The following IL1RAPL1 variants were observed in gnomAD, a reference collection of about 807,000 sequenced individuals.
The protein encoded by IL1RAPL1 is interleukin-1 receptor accessory protein-like 1.
Under a neutral mutation model 48.4 loss-of-function variants are expected in IL1RAPL1, and 3 were observed. That is an observed-to-expected ratio of 0.06 (90% CI 0.03 to 0.16). The LOEUF is 0.16. IL1RAPL1 is among the 10% of genes least tolerant of loss of function. IL1RAPL1 has a pLI of 1.00. For synonymous variants in IL1RAPL1, 185 were observed against 187.7 expected, an observed-to-expected ratio of 0.99 and a Z score of 0.12; for missense variants, 349 against 530.6, an observed-to-expected ratio of 0.66 and a Z score of 3.36.
At chrX:29,202,606 C>T (rs1017384219) in intron 2 of IL1RAPL1, among the ~76,000 whole-genome samples, 4 of 111,807 alleles carry the variant, frequency 3.6e-5, no homozygotes, top group African/African-American at 6.5e-5. Context: ...ATGGAATCAA[C>T]CTACATGCCC....
At chrX:29,481,670 T>C in intron 5 of IL1RAPL1, among the ~76,000 whole-genome samples, 1 of 111,879 alleles carries the variant, frequency 8.9e-6, no homozygotes. Context: ...GCAGAGCTGT[T>C]AAATGGCCTG....
chrX:29,869,439 T>A (rs1472660302), intron 6 of IL1RAPL1, among the ~76,000 whole-genome samples: 1 of 111,375 alleles, frequency 9.0e-6, no homozygotes, highest in African/African-American at 3.3e-5. Flanking sequence ...AAAATAGTGG[T>A]CACCAGAAGC....
intron 5 of IL1RAPL1, among the ~76,000 whole-genome samples, chrX:29,471,596 A>T (rs5971507): frequency 0.013 from 1,499 of 111,528 alleles, 12 homozygotes; most frequent in Non-Finnish European, 0.02. Context: ...GGGAACAAAA[A>T]GGAAGGCAGC....
At chrX:28,724,448 G>A (rs1409476802) in intron 1 of IL1RAPL1, among the ~76,000 whole-genome samples, 5 of 110,488 alleles carry the variant, frequency 4.5e-5, no homozygotes, top group African/African-American at 1.7e-4. Context: ...CATTTTCTTG[G>A]TAGATCTTCC....
In IL1RAPL1 at chrX:29,307,301, G is replaced by A. The variant is rs187059704; in HGVS notation, c.362+24084G>A. ...AAACCCCTTGTCAAGTACTGATCAAGCAGCTTATTTCACTGCATATTTTTT... is the reference window on the plus strand; with the variant it reads ...AAACCCCTTGTCAAGTACTGATCAAACAGCTTATTTCACTGCATATTTTTT... On this transcript the variant is annotated intron_variant, in intron 3 of 10. Transcript: ENST00000378993. Among the ~76,000 whole-genome samples, 720 of 112,207 alleles carry A rather than the reference G, an allele frequency of 6.4e-3. 3 individuals carry two copies. The highest frequency in any genetic ancestry group is 9.2e-3 in the Non-Finnish European group (492 of 53,247).
chrX:29,651,626 T>C (rs993925451), intron 5 of IL1RAPL1, among the ~76,000 whole-genome samples: 1 of 110,686 alleles, frequency 9.0e-6, no homozygotes, highest in African/African-American at 3.3e-5. Context: ...GTGGCTGGGA[T>C]GGGAGTGTTG....
chrX:29,214,059 A>T (rs1930820163), intron 2 of IL1RAPL1, among the ~76,000 whole-genome samples: 2 of 111,481 alleles, frequency 1.8e-5, no homozygotes, highest in African/African-American at 6.5e-5. Context: ...AAGCCCAGTG[A>T]TGTCAAGAAA....
intron 1 of IL1RAPL1, among the ~76,000 whole-genome samples, chrX:28,758,190 G>A (rs1936126138): frequency 8.9e-6 from 1 of 112,165 alleles, no homozygotes; most frequent in Non-Finnish European, 1.9e-5. Flanking sequence ...TAATGTAGAT[G>A]ATTGGCTTTG....
At chrX:28,882,367 G>A (rs925975856) in intron 2 of IL1RAPL1, among the ~76,000 whole-genome samples, 4 of 111,608 alleles carry the variant, frequency 3.6e-5, no homozygotes, top group Admixed American at 1.9e-4. Flanking sequence ...AAGAGAGGCC[G>A]GGCATGGTGG....
At chrX:28,819,997 T>G (rs1464062001) in intron 2 of IL1RAPL1, among the ~76,000 whole-genome samples, 1 of 84,503 alleles carries the variant, frequency 1.2e-5, no homozygotes, top group African/African-American at 4.3e-5. Context: ...TATATATATA[T>G]ATATATATAT....
chrX:29,152,694 C>T (rs778380023), intron 2 of IL1RAPL1, among the ~76,000 whole-genome samples: 252 of 111,885 alleles, frequency 2.3e-3, no homozygotes, highest in African/African-American at 7.2e-3. Flanking sequence ...GTGAACTCTT[C>T]GTTGTTCAAA....
intron 1 of IL1RAPL1, among the ~76,000 whole-genome samples, chrX:28,613,536 A>G (rs1180073212): frequency 8.9e-6 from 1 of 112,439 alleles, no homozygotes; most frequent in Non-Finnish European, 1.9e-5. Context: ...AGTCCTTGGG[A>G]CTCATGTTGA....
At chrX:29,113,979 AT>A (rs1206698087) in intron 2 of IL1RAPL1, among the ~76,000 whole-genome samples, 1 of 111,463 alleles carries the variant, frequency 9.0e-6, no homozygotes. Context: ...TTTTTTTGTA[AT>A]GCATTATATC....
At chrX:28,812,130 C>A (rs1232017928) in intron 2 of IL1RAPL1, among the ~76,000 whole-genome samples, 1 of 110,766 alleles carries the variant, frequency 9.0e-6, no homozygotes, top group African/African-American at 3.3e-5. Context: ...CAGAGATCAG[C>A]AACAGTATAA....
intron 3 of IL1RAPL1, among the ~76,000 whole-genome samples, chrX:29,297,298 G>T (rs1258123523): frequency 8.9e-6 from 1 of 112,524 alleles, no homozygotes; most frequent in Non-Finnish European, 1.9e-5. Flanking sequence ...ACGTAAAGTA[G>T]TTATAAGGTA....
intron 5 of IL1RAPL1, among the ~76,000 whole-genome samples, chrX:29,416,854 G>C (rs992886048): frequency 9.0e-6 from 1 of 111,156 alleles, no homozygotes; most frequent in Admixed American, 9.6e-5. Context: ...CCCATTTGAG[G>C]CATGTTCAGG....
chrX:28,740,412 TA>T (rs1214524574), intron 1 of IL1RAPL1, among the ~76,000 whole-genome samples: 1 of 112,204 alleles, frequency 8.9e-6, no homozygotes, highest in Non-Finnish European at 1.9e-5. Context: ...AGGCAAAATT[TA>T]TAAATCATTA....
At chrX:28,658,006 T>A (rs190695602) in intron 1 of IL1RAPL1, among the ~76,000 whole-genome samples, 34 of 112,288 alleles carry the variant, frequency 3.0e-4, no homozygotes, top group African/African-American at 1.1e-3. Context: ...GTTTTTGTTA[T>A]AATCAACAAC....
At chrX:29,549,057 T>G (rs770976052) in intron 5 of IL1RAPL1, among the ~76,000 whole-genome samples, 38 of 112,107 alleles carry the variant, frequency 3.4e-4, no homozygotes, top group African/African-American at 1.1e-3. Flanking sequence ...GACTAGTAGT[T>G]ATTTATTTAT....
Sources: gnomAD v4.1 joint callset for allele counts (sites outside exome capture counted in the v4.1 genomes callset) on GRCh38, gnomAD v4.1.1 for gene constraint, MANE v1.5 for transcripts, NCBI Gene and HGNC (gene_info 2026-07-23, HGNC 2026-07-21) for gene names.